Variants in MESD observed in about 807,000 individuals in gnomAD.
The protein encoded by MESD is LRP chaperone MESD.
In MESD, 7 loss-of-function variants were observed where a neutral mutation model predicts 12.9. That is an observed-to-expected ratio of 0.54 (90% CI 0.31 to 1.02). The LOEUF (loss-of-function observed/expected upper bound fraction) is 1.02, where lower values mean the gene tolerates loss of function less well. Among genes scored for constraint, MESD ranks in the 50% least tolerant of loss-of-function variants. The pLI is 0.05. For synonymous variants in MESD, 126 were observed against 115.6 expected (o/e 1.09, Z -0.58); for missense variants, 342 against 296.7 (o/e 1.15, Z -1.12).
At chr15:80,946,716 C>G, downstream of MESD, 2 of 521,722 alleles carry the variant, frequency 3.8e-6, no homozygotes, top group South Asian at 4.0e-5. Context: ...GAGCCAAGTC[C>G]AGGCTTGGAG....
chr15:80,987,028 C>T (rs1215068547), intron 1 of MESD, among the ~76,000 whole-genome samples: 1 of 152,204 alleles, frequency 6.6e-6, no homozygotes, highest in African/African-American at 2.4e-5. Flanking sequence ...GTGCAAACCA[C>T]ATTTCTGGCT....
chr15:80,981,919 T>C (rs563103258), intron 2 of MESD, 31 bp downstream of exon 2: 15 of 1,402,218 alleles, frequency 1.1e-5, no homozygotes, highest in Admixed American at 8.5e-5. Context: ...GCACAGCCTA[T>C]GAGTCTCTCA....
At chr15:80,979,624 T>A in intron 2 of MESD, 147 bp from the exon 3 acceptor site, 1 of 856,858 alleles carries the variant, frequency 1.2e-6, no homozygotes, top group Non-Finnish European at 1.7e-6. Context: ...TAGCAGCTAC[T>A]GATATCTCAT....
intron 3 of MESD, among the ~76,000 whole-genome samples, chr15:80,964,057 A>C (rs1902133354): frequency 6.6e-6 from 1 of 152,230 alleles, no homozygotes; most frequent in African/African-American, 2.4e-5. Flanking sequence ...TGCAGATGAC[A>C]TGATTGTATA....
intron 3 of MESD, among the ~76,000 whole-genome samples, chr15:80,955,010 G>C (rs1304990231): frequency 6.6e-6 from 1 of 152,074 alleles, no homozygotes; most frequent in Non-Finnish European, 1.5e-5. Context: ...AGCATCATCA[G>C]CATCAGCTGG....
downstream of MESD, chr15:80,947,143 T>C: frequency 1.1e-6 from 1 of 893,128 alleles, no homozygotes; most frequent in Non-Finnish European, 1.8e-6. Context: ...TGCTGTCATC[T>C]TTTGCTGAGT....
At chr15:80,970,110 G>A (rs1596230137) in intron 3 of MESD, among the ~76,000 whole-genome samples, 1 of 152,324 alleles carries the variant, frequency 6.6e-6, no homozygotes, top group East Asian at 1.9e-4. Context: ...TATTTTGCAA[G>A]CACAGACTGA....
At chr15:80,958,957 G>A (rs1902036526) in intron 3 of MESD, among the ~76,000 whole-genome samples, 1 of 152,214 alleles carries the variant, frequency 6.6e-6, no homozygotes, top group Admixed American at 6.5e-5. Flanking sequence ...GAGAGTCATT[G>A]AAGGGGAGAT....
chr15:80,978,370 A>T lies in MESD; in HGVS notation c.*849T>A, dbSNP rs1902476553. On this transcript the variant is annotated 3_prime_UTR_variant, in exon 3 of 3. Coordinates refer to ENST00000261758, the MANE Select transcript of MESD (RefSeq NM_015154.3). ...CAACAGTAGCACATCATGTTACTCT[A>T]TACGAAAGCACAGATTTAGGCACTT... 6.6e-6 allele frequency: 1 copy of T among 152,204 alleles called. No individual in the cohort carries two copies. The highest frequency in any genetic ancestry group is 2.4e-5 in the African/African-American group (1 of 41,446). 9.4% of individuals were successfully genotyped at this position (152,204 alleles called of 1,614,324 possible). A position where few individuals can be genotyped will look rare whatever the true frequency, so the allele number is the denominator to read the frequency against.
chr15:80,972,789 G>A (rs1405353767), downstream of MESD, among the ~76,000 whole-genome samples: 16 of 152,202 alleles, frequency 1.1e-4, no homozygotes, highest in African/African-American at 2.7e-4. Flanking sequence ...TTGGGAGGCC[G>A]AGGTGGGTTG....
At chr15:80,979,577 C>T (rs767374253) in intron 2 of MESD, 100 bp from the exon 3 acceptor site, 1 of 1,368,874 alleles carries the variant, frequency 7.3e-7, no homozygotes, top group Admixed American at 2.4e-5. Context: ...TCAAATTCTA[C>T]ATGAATATGG....
At chr15:80,985,564 A>C (rs1291859590) in intron 1 of MESD, among the ~76,000 whole-genome samples, 2 of 151,496 alleles carry the variant, frequency 1.3e-5, no homozygotes, top group Admixed American at 1.3e-4. Context: ...AGTTGGTTCA[A>C]TACCCTAGAA....
chr15:80,969,085 G>A (rs1902233173), intron 3 of MESD, among the ~76,000 whole-genome samples: 1 of 152,200 alleles, frequency 6.6e-6, no homozygotes, highest in South Asian at 2.1e-4. Flanking sequence ...CAGCTACCCA[G>A]GAGATTGAGG....
downstream of MESD, among the ~76,000 whole-genome samples, chr15:80,970,887 C>T (rs942489254): frequency 4.6e-5 from 7 of 152,088 alleles, no homozygotes; most frequent in Non-Finnish European, 5.9e-5. Flanking sequence ...GTTAAACAGA[C>T]CTAACAGGAT....
At position 80,979,216 on chromosome 15, in the gene MESD, C is replaced by A. The variant is rs8039607; in HGVS notation, c.*3G>T. 0.14 allele frequency: 225,871 copies of A among 1,612,320 alleles called. 16,300 individuals are homozygous for A. Among genetic ancestry groups the A allele is most frequent in the Middle Eastern group, 0.21 (1,246 of 6,058 alleles). ...CCCCCCACAGCGCGTCACTGCTGCC[C>A]CATCACAGGTCTTCTCTTTTATTCC... On this transcript the variant is annotated 3_prime_UTR_variant, in exon 3 of 3. Coordinates refer to ENST00000261758, the MANE Select transcript of MESD (RefSeq NM_015154.3).
At chr15:80,985,002 G>C (rs180989978) in intron 1 of MESD, among the ~76,000 whole-genome samples, 1 of 152,156 alleles carries the variant, frequency 6.6e-6, no homozygotes, top group Non-Finnish European at 1.5e-5. Flanking sequence ...GAATCCTTAC[G>C]CCTCGAGGCC....
At chr15:80,979,779 G>A (rs1455680521) in intron 2 of MESD, among the ~76,000 whole-genome samples, 2 of 152,198 alleles carry the variant, frequency 1.3e-5, no homozygotes, top group African/African-American at 4.8e-5. Context: ...CTGCAGAGGT[G>A]GCTCAGGGGC....
downstream of MESD, among the ~76,000 whole-genome samples, chr15:80,972,101 T>C (rs1902301107): frequency 6.6e-6 from 1 of 152,198 alleles, no homozygotes. Flanking sequence ...CTGGGGACTT[T>C]ACACATGTGC....
chr15:80,986,536 T>C (rs1490259551), intron 1 of MESD, among the ~76,000 whole-genome samples: 3 of 152,214 alleles, frequency 2.0e-5, no homozygotes, highest in African/African-American at 7.2e-5. Flanking sequence ...ATATGTATAA[T>C]TATTATATGT....
Sources: allele counts gnomAD v4.1 joint callset (sites outside exome capture counted in the v4.1 genomes callset), GRCh38; gene constraint gnomAD v4.1.1; transcripts MANE v1.5; gene names NCBI Gene and HGNC (gene_info 2026-07-23, HGNC 2026-07-21).